The following C1orf105 variants were observed in gnomAD, a reference collection of about 807,000 sequenced individuals.
The protein encoded by C1orf105 is uncharacterized protein C1orf105.
C1orf105 carries 17 observed loss-of-function variants against 20.8 expected under a neutral mutation model. The ratio of observed to expected loss-of-function variants is 0.82; its 90% confidence interval spans 0.56 to 1.23. C1orf105 has a LOEUF of 1.23. Among genes scored for constraint, C1orf105 ranks in the 50% most tolerant of loss-of-function variants. C1orf105 has a pLI of 0.00. For missense variants in C1orf105, 219 were observed against 213.5 expected, an observed-to-expected ratio of 1.03 and a Z score of -0.16; for synonymous variants, 72 against 72.1, an observed-to-expected ratio of 1.00 and a Z score of 0.01.
At chr1:172,451,488 A>C (rs935047728) in intron 3 of C1orf105, among the ~76,000 whole-genome samples, 1 of 152,168 alleles carries the variant, frequency 6.6e-6, no homozygotes, top group Non-Finnish European at 1.5e-5. Context: ...ACATTGACTA[A>C]ATTTTCAAAG....
At chr1:172,428,183 A>T (rs922673802) in intron 1 of C1orf105, among the ~76,000 whole-genome samples, 1 of 152,132 alleles carries the variant, frequency 6.6e-6, no homozygotes, top group African/African-American at 2.4e-5. Flanking sequence ...CTTTCAAATT[A>T]CATATAGAAC....
chr1:172,445,614 C>T (rs1647900391), intron 2 of C1orf105, among the ~76,000 whole-genome samples: 1 of 152,194 alleles, frequency 6.6e-6, no homozygotes, highest in African/African-American at 2.4e-5. Context: ...AAACAAACTA[C>T]TATATGACAC....
At position 172,465,328 on chromosome 1, in the gene C1orf105, C is replaced by A. The variant is rs1445709461; in HGVS notation, c.371C>A (p.Thr124Asn). The A allele has an allele frequency of 6.2e-7, 1 of 1,613,294 alleles. No individual in the cohort carries two copies. Among genetic ancestry groups the A allele is most frequent in the East Asian group, 2.2e-5 (1 of 44,868 alleles). ...RMSLHQPKFQ[T>N]TPEPFHDDIP... Reference sequence around the variant, plus strand: ...AGTCTTCATCAACCCAAATTCCAGACTACACCTGAGCCTTTCCATGATGAC... The same window carrying A: ...AGTCTTCATCAACCCAAATTCCAGAATACACCTGAGCCTTTCCATGATGAC... Residue 124 changes from threonine to asparagine, a missense_variant, in exon 6 of 7, where the codon ACT becomes AAT. Transcript: ENST00000367727.
chr1:172,438,807 T>G (rs1409691076), intron 1 of C1orf105, among the ~76,000 whole-genome samples: 1 of 152,194 alleles, frequency 6.6e-6, no homozygotes, highest in African/African-American at 2.4e-5. Flanking sequence ...TATTGTCTTA[T>G]TTCATGAAAT....
At chr1:172,462,551 C>T (rs1193642464) in intron 5 of C1orf105, among the ~76,000 whole-genome samples, 1 of 152,168 alleles carries the variant, frequency 6.6e-6, no homozygotes, top group Non-Finnish European at 1.5e-5. Flanking sequence ...TACAAATTCT[C>T]CATGTAGATG....
intron 2 of C1orf105, among the ~76,000 whole-genome samples, chr1:172,446,101 A>G (rs569612468): frequency 7.0e-4 from 107 of 152,308 alleles, no homozygotes; most frequent in African/African-American, 2.5e-3. Flanking sequence ...TCTCATTCTC[A>G]GTAAATAGGT....
intron 4 of C1orf105, among the ~76,000 whole-genome samples, chr1:172,458,437 A>G (rs567271803): frequency 6.6e-6 from 1 of 152,330 alleles, no homozygotes; most frequent in South Asian, 2.1e-4. Flanking sequence ...CCAAAAATGA[A>G]GAAAACAATG....
At chr1:172,440,581 T>C (rs2072189058) in intron 1 of C1orf105, among the ~76,000 whole-genome samples, 1 of 152,186 alleles carries the variant, frequency 6.6e-6, no homozygotes, top group African/African-American at 2.4e-5. Flanking sequence ...ACCTACAGTA[T>C]GGAGCCCAAA....
In C1orf105 at chr1:172,441,947, G is replaced by A. The variant is rs34001453; in HGVS notation, c.22-3126G>A. On this transcript the variant is annotated intron_variant, in intron 1 of 6. Coordinates refer to ENST00000367727, the MANE Select transcript of C1orf105 (RefSeq NM_139240.4). Reference sequence around the variant, plus strand: ...AGCAGTGTGACCCCCACATAGCTCCGGGGAGTACATGCCTTTAGTTTCTTC... The same window carrying A: ...AGCAGTGTGACCCCCACATAGCTCCAGGGAGTACATGCCTTTAGTTTCTTC... 8.7e-3 allele frequency: 14,002 copies of A among 1,614,166 alleles called. 82 individuals are homozygous for A. The highest frequency in any genetic ancestry group is 0.011 in the Non-Finnish European group (12,674 of 1,180,014).
intron 1 of C1orf105, among the ~76,000 whole-genome samples, chr1:172,434,764 G>A (rs2149163551): frequency 6.6e-6 from 1 of 152,306 alleles, no homozygotes; most frequent in Admixed American, 6.5e-5. Context: ...AGAACTGAAG[G>A]AGATAGAGAC....
At chr1:172,426,373 A>G (rs1425700940) in intron 1 of C1orf105, among the ~76,000 whole-genome samples, 1 of 152,098 alleles carries the variant, frequency 6.6e-6, no homozygotes, top group African/African-American at 2.4e-5. Flanking sequence ...CACTATCTAC[A>G]TGACCCTATG....
chr1:172,421,545 C>G (rs1189698850), intron 1 of C1orf105, among the ~76,000 whole-genome samples: 1 of 152,000 alleles, frequency 6.6e-6, no homozygotes, highest in Non-Finnish European at 1.5e-5. Context: ...CCTGATGAAC[C>G]CATGATAAAG....
Position 172,445,169 on chromosome 1 carries a change from A to G in C1orf105, c.107+11A>G. ...CAGCCTTCCCAGAAGGTAACCTCTC[A>G]GCCACCGAGGGCAAAAGTTTTACGA... is the stretch of plus-strand genomic sequence containing the variant. On this transcript the variant is annotated intron_variant, in intron 2 of 6. Transcript: ENST00000367727. 1 of 1,603,028 alleles carries G rather than the reference A, an allele frequency of 6.2e-7. No homozygotes were observed. The highest frequency in any genetic ancestry group is 8.5e-7 in the Non-Finnish European group (1 of 1,173,598).
Position 172,446,203 on chromosome 1 carries a change from C to T in C1orf105, c.107+1045C>T, listed in dbSNP as rs558220027. On this transcript the variant is annotated intron_variant, in intron 2 of 6. Coordinates refer to ENST00000367727, the MANE Select transcript of C1orf105 (RefSeq NM_139240.4). ...TATTTTTACATAATTTTGAATATAA[C>T]GAAAGCAGATTATCAGAGGTTCAAT... Among the ~76,000 whole-genome samples, 11 of 122,370 alleles carry T rather than the reference C, an allele frequency of 9.0e-5. No homozygotes were observed. The East Asian group carries it at 3.1e-3, about 34-fold the overall frequency. 80.3% of individuals were successfully genotyped at this position (122,370 alleles called of 152,430 possible). A position where few individuals can be genotyped will look rare whatever the true frequency, so the allele number is the denominator to read the frequency against.
chr1:172,460,449 C>CT (rs1237290041), intron 4 of C1orf105, among the ~76,000 whole-genome samples: 1 of 152,132 alleles, frequency 6.6e-6, no homozygotes, highest in Admixed American at 6.6e-5. Flanking sequence ...TCATCTTCCC[C>CT]TTAATGCACC....
At chr1:172,446,441 C>T (rs561151030) in intron 2 of C1orf105, among the ~76,000 whole-genome samples, 37 of 152,302 alleles carry the variant, frequency 2.4e-4, no homozygotes, top group African/African-American at 7.7e-4. Context: ...ATCACCTCCC[C>T]GCTTCAGCCC....
intron 1 of C1orf105, among the ~76,000 whole-genome samples, chr1:172,425,499 C>T (rs996284275): frequency 1.3e-5 from 2 of 152,224 alleles, no homozygotes; most frequent in South Asian, 2.1e-4. Context: ...GCAGGCCCAA[C>T]AAGCCTTCAG....
chr1:172,437,067 T>C (rs1470421122), intron 1 of C1orf105, among the ~76,000 whole-genome samples: 1 of 152,114 alleles, frequency 6.6e-6, no homozygotes, highest in Non-Finnish European at 1.5e-5. Flanking sequence ...AGAATGGCAA[T>C]CATTAAAAAG....
intron 1 of C1orf105, among the ~76,000 whole-genome samples, chr1:172,435,306 A>C (rs2072003776): frequency 6.6e-6 from 1 of 152,246 alleles, no homozygotes; most frequent in African/African-American, 2.4e-5. Context: ...AGAGAACTTT[A>C]GGCCAATATC....
Sources: allele counts gnomAD v4.1 joint callset (sites outside exome capture counted in the v4.1 genomes callset), GRCh38; gene constraint gnomAD v4.1.1; transcripts MANE v1.5; gene names NCBI Gene and HGNC (gene_info 2026-07-23, HGNC 2026-07-21).